FBLN1: variants seen among roughly 807,000 people sequenced by gnomAD.
The protein encoded by FBLN1 is fibulin 1.
FBLN1 carries 34 observed loss-of-function variants against 89.7 expected under a neutral mutation model. That is an observed-to-expected ratio of 0.38 (90% CI 0.29 to 0.50). The LOEUF is 0.50. FBLN1 is among the 20% of genes least tolerant of loss of function. The pLI is 0.92. For synonymous variants in FBLN1, 393 were observed against 391.3 expected (o/e 1.00, Z -0.05); for missense variants, 777 against 988.1 (o/e 0.79, Z 2.86).
At position 45,545,644 on chromosome 22, in the gene FBLN1, T is replaced by C. The variant is rs963701883; in HGVS notation, c.1322-1441T>C. On this transcript the variant is annotated intron_variant, in intron 11 of 16. Coordinates refer to ENST00000327858, the MANE Select transcript of FBLN1 (RefSeq NM_006486.3). The surrounding 1 kb of genome is among the most constrained non-coding windows in gnomAD (Gnocchi z 5.9). ...AAGAACTCGGTCCTGCACTGGGGAGTGTCTCTAGCGGGGGATGAGAGACCA... is the reference window on the plus strand; with the variant it reads ...AAGAACTCGGTCCTGCACTGGGGAGCGTCTCTAGCGGGGGATGAGAGACCA... Among the ~76,000 whole-genome samples the C allele has an allele frequency of 6.6e-6, 1 of 151,972 alleles. No homozygotes were observed. The highest frequency in any genetic ancestry group is 2.4e-5 in the African/African-American group (1 of 41,358).
At position 45,577,242 on chromosome 22, in the gene FBLN1, C is replaced by A; in HGVS notation, c.1972+134C>A. Reference sequence around the variant, plus strand: ...CCACCCAACCTTCAGGGCCCAGCGCCGAGGCCACCACAGCTCCCAATCGGT... The same window carrying A: ...CCACCCAACCTTCAGGGCCCAGCGCAGAGGCCACCACAGCTCCCAATCGGT... On this transcript the variant is annotated intron_variant, in intron 16 of 16. Coordinates refer to ENST00000327858, the MANE Select transcript of FBLN1 (RefSeq NM_006486.3). This position sits in a 1 kb window ranked among gnomAD's most constrained non-coding sequence, Gnocchi z 6.6. 1 of 1,002,986 alleles carries A rather than the reference C, an allele frequency of 1.0e-6. No individual in the cohort carries two copies. Among genetic ancestry groups the A allele is most frequent in the Non-Finnish European group, 1.5e-6 (1 of 659,358 alleles). 62.1% of individuals were successfully genotyped at this position (1,002,986 alleles called of 1,614,324 possible).
intron 2 of FBLN1, among the ~76,000 whole-genome samples, chr22:45,519,157 G>A (rs1027761216): frequency 4.6e-5 from 7 of 152,096 alleles, no homozygotes; most frequent in East Asian, 1.9e-4. Flanking sequence ...GTGGAAACAC[G>A]GACCACCTAC....
chr22:45,546,337 C>T (rs1350702200), intron 11 of FBLN1, among the ~76,000 whole-genome samples: 1 of 152,236 alleles, frequency 6.6e-6, no homozygotes, highest in East Asian at 1.9e-4. Flanking sequence ...CTGCTTCAGC[C>T]TCCCGAGAAG....
At position 45,563,281 on chromosome 22, in the gene FBLN1, T is replaced by C. The variant is rs768693124; in HGVS notation, c.1698-11230T>C. On this transcript the variant is annotated intron_variant, in intron 14 of 16. Transcript: ENST00000327858. This position sits in a 1 kb window ranked among gnomAD's most constrained non-coding sequence, Gnocchi z 5.7. ...CAGAGCTCTGAGCACTCGCTTCGCG[T>C]CGCGGGGTCTCCCTCCTGTTGCTTT... 3.7e-6 allele frequency: 6 copies of C among 1,613,382 alleles called. No homozygotes were observed. The East Asian group carries it at 1.3e-4, about 36-fold the overall frequency.
chr22:45,598,919 G>A (rs1321537172), intron 16 of FBLN1, among the ~76,000 whole-genome samples: 2 of 152,212 alleles, frequency 1.3e-5, no homozygotes, highest in Non-Finnish European at 2.9e-5. Context: ...TCTCCGCAGT[G>A]CAGTGAGGAC....
rs1201442592 is a variant in FBLN1, at chr22:45,557,518, G to A, written c.1697+6903G>A. Among the ~76,000 whole-genome samples the A allele has an allele frequency of 6.6e-6, 1 of 152,164 alleles. No homozygotes were observed. The highest frequency in any genetic ancestry group is 1.5e-5 in the Non-Finnish European group (1 of 68,020). On this transcript the variant is annotated intron_variant, in intron 14 of 16. Transcript: ENST00000327858. The surrounding 1 kb of genome is among the most constrained non-coding windows in gnomAD (Gnocchi z 4.9). ...TTGGTGAGTGGAAGTCCATGTTGCTGAGCCCATGTGTAACCTCCATCCCTG... is the reference window on the plus strand; with the variant it reads ...TTGGTGAGTGGAAGTCCATGTTGCTAAGCCCATGTGTAACCTCCATCCCTG...
chr22:45,519,203 A>T (rs1602168622), intron 2 of FBLN1, among the ~76,000 whole-genome samples: 1 of 152,330 alleles, frequency 6.6e-6, no homozygotes, highest in South Asian at 2.1e-4. Flanking sequence ...GCGCAGAGTG[A>T]AGCGTTCCAC....
chr22:45,507,211 C>A (rs1413817810), intron 1 of FBLN1, among the ~76,000 whole-genome samples: 1 of 152,168 alleles, frequency 6.6e-6, no homozygotes, highest in Non-Finnish European at 1.5e-5. Flanking sequence ...CCACAGTGGT[C>A]CTAACTAGAG....
At position 45,583,668 on chromosome 22, in the gene FBLN1, C is replaced by G. The variant is rs756918216; in HGVS notation, c.1972+6560C>G. Reference sequence around the variant, plus strand: ...GTTTTGGTGTGCCAGTCAGGTGAGACGCAGAGAAGACAGCACAATCAACAC... The same window carrying G: ...GTTTTGGTGTGCCAGTCAGGTGAGAGGCAGAGAAGACAGCACAATCAACAC... On this transcript the variant is annotated intron_variant, in intron 16 of 16. Transcript: ENST00000327858. The surrounding 1 kb of genome is among the most constrained non-coding windows in gnomAD (Gnocchi z 4.5). 6.6e-6 allele frequency among the ~76,000 whole-genome samples: 1 copy of G among 152,074 alleles called. No individual in the cohort carries two copies. Among genetic ancestry groups the G allele is most frequent in the Non-Finnish European group, 1.5e-5 (1 of 68,024 alleles).
At chr22:45,554,146 C>T (rs117416182) in intron 14 of FBLN1, among the ~76,000 whole-genome samples, 6 of 152,204 alleles carry the variant, frequency 3.9e-5, no homozygotes, top group Non-Finnish European at 7.3e-5. Flanking sequence ...GCCAGTAGAG[C>T]GGGAGGACGA....
intron 14 of FBLN1, among the ~76,000 whole-genome samples, chr22:45,551,523 C>G (rs560826132): frequency 2.6e-5 from 4 of 152,236 alleles, no homozygotes; most frequent in Non-Finnish European, 4.4e-5. Context: ...CGAGCAGCCC[C>G]GTTGTCCCTG....
rs956938847 is a variant in FBLN1, at chr22:45,563,210, G to A, written c.1698-11301G>A. 1.2e-5 allele frequency: 20 copies of A among 1,613,656 alleles called. No homozygotes were observed. Among genetic ancestry groups the A allele is most frequent in the Non-Finnish European group, 1.4e-5 (17 of 1,180,042 alleles). The stretch of plus-strand genomic sequence containing the variant: ...CGTCAAGATGGATCTCTCTCGCCAC[G>A]GCACCGTCAGCTCCTTTGTGGCCAA... On this transcript the variant is annotated intron_variant, in intron 14 of 16. Transcript: ENST00000327858. This position sits in a 1 kb window ranked among gnomAD's most constrained non-coding sequence, Gnocchi z 5.7.
chr22:45,552,315 G>C (rs569069500), intron 14 of FBLN1, among the ~76,000 whole-genome samples: 119 of 152,324 alleles, frequency 7.8e-4, no homozygotes, highest in African/African-American at 2.7e-3. Flanking sequence ...ATGGACACAT[G>C]TGCGGTGAAA....
At chr22:45,569,083 C>T (rs934289655) in intron 14 of FBLN1, among the ~76,000 whole-genome samples, 7 of 152,284 alleles carry the variant, frequency 4.6e-5, no homozygotes, top group African/African-American at 7.2e-5. Flanking sequence ...CTGCAATGAC[C>T]GTAGTTTCCA....
Position 45,590,327 on chromosome 22 carries a change from A to G in FBLN1, c.1973-9980A>G, listed in dbSNP as rs2089125207. On this transcript the variant is annotated intron_variant, in intron 16 of 16. Coordinates refer to ENST00000327858, the MANE Select transcript of FBLN1 (RefSeq NM_006486.3). The surrounding 1 kb of genome is among the most constrained non-coding windows in gnomAD (Gnocchi z 4.1). ...AGGACTTGGCCCCTCTGGTGTGCCC[A>G]CGTCTTTGAGTGAAGTTGGCAAGAC... Among the ~76,000 whole-genome samples the G allele has an allele frequency of 6.6e-6, 1 of 152,218 alleles. No individual in the cohort carries two copies. Among genetic ancestry groups the G allele is most frequent in the South Asian group, 2.1e-4 (1 of 4,836 alleles).
At chr22:45,544,792 T>C (rs2088605116) in intron 11 of FBLN1, among the ~76,000 whole-genome samples, 1 of 152,172 alleles carries the variant, frequency 6.6e-6, no homozygotes, top group Non-Finnish European at 1.5e-5. Context: ...AGTCTTGTGG[T>C]TCTCAGATAA....
chr22:45,598,440 GT>G (rs2089204289), intron 16 of FBLN1, among the ~76,000 whole-genome samples: 1 of 152,212 alleles, frequency 6.6e-6, no homozygotes, highest in Non-Finnish European at 1.5e-5. Context: ...GACCTTGGCG[GT>G]TCATTCATAA....
chr22:45,519,346 C>T (rs993854477), intron 2 of FBLN1, among the ~76,000 whole-genome samples: 21 of 152,192 alleles, frequency 1.4e-4, no homozygotes, highest in African/African-American at 3.4e-4. Flanking sequence ...AGAAGCCGGG[C>T]GCGGTGGCTC....
At chr22:45,524,380 C>T (rs774363452) in intron 2 of FBLN1, among the ~76,000 whole-genome samples, 13 of 152,216 alleles carry the variant, frequency 8.5e-5, no homozygotes, top group Non-Finnish European at 1.8e-4. Context: ...CCGCCCACGC[C>T]AGCCCCTAGC....
Sources: allele counts gnomAD v4.1 joint callset (sites outside exome capture counted in the v4.1 genomes callset), GRCh38; gene constraint gnomAD v4.1.1; non-coding constraint Gnocchi (gnomAD v3.1); transcripts MANE v1.5; gene names NCBI Gene and HGNC (gene_info 2026-07-23, HGNC 2026-07-21).